The following DLGAP2 variants were observed in gnomAD, a reference collection of about 807,000 sequenced individuals.
DLGAP2 encodes the protein disks large-associated protein 2.
Under a neutral mutation model 100.3 loss-of-function variants are expected in DLGAP2, and 26 were observed. That is an observed-to-expected ratio of 0.26 (90% confidence interval 0.19 to 0.36). DLGAP2 has a LOEUF of 0.36. Ranked by LOEUF, DLGAP2 falls within the 10% of genes least tolerant of loss-of-function variation. DLGAP2 has a pLI of 1.00. For missense variants in DLGAP2, 1,858 were observed against 1,453.2 expected, an observed-to-expected ratio of 1.28 and a Z score of -4.53; for synonymous variants, 886 against 630.1, an observed-to-expected ratio of 1.41 and a Z score of -6.08.
intron 2 of DLGAP2, among the ~76,000 whole-genome samples, chr8:1,042,988 A>C (rs867227190): frequency 1.1e-4 from 1 of 9,418 alleles, no homozygotes; most frequent in Non-Finnish European, 2.2e-4. Context: ...GATGTGGGTG[A>C]TGGATGTGGG....
chr8:1,349,065 G>C (rs1432551165), intron 3 of DLGAP2, among the ~76,000 whole-genome samples: 1 of 151,736 alleles, frequency 6.6e-6, no homozygotes, highest in South Asian at 2.1e-4. Context: ...ACTTGCTCCT[G>C]CCAAGTCACC....
intron 2 of DLGAP2, among the ~76,000 whole-genome samples, chr8:951,466 G>T (rs989859669): frequency 3.3e-5 from 5 of 152,114 alleles, no homozygotes; most frequent in Admixed American, 2.6e-4. Flanking sequence ...GGCCAGGTGG[G>T]TCTTGAACTC....
chr8:1,485,666 C>T (rs1255402339), intron 3 of DLGAP2, among the ~76,000 whole-genome samples: 3 of 152,168 alleles, frequency 2.0e-5, no homozygotes, highest in Non-Finnish European at 2.9e-5. Context: ...TGGTCTGAAG[C>T]GCTGCCCCTA....
intron 3 of DLGAP2, among the ~76,000 whole-genome samples, chr8:1,277,284 GC>G (rs1020295107): frequency 2.0e-5 from 3 of 151,992 alleles, no homozygotes; most frequent in East Asian, 1.9e-4. Flanking sequence ...TGCCTATGTA[GC>G]CCCCCCAGTT....
At chr8:1,207,014 C>A (rs1798010928) in intron 2 of DLGAP2, among the ~76,000 whole-genome samples, 1 of 152,234 alleles carries the variant, frequency 6.6e-6, no homozygotes, top group African/African-American at 2.4e-5. Flanking sequence ...GTCCCCACCA[C>A]ACACAGAGCT....
intron 3 of DLGAP2, among the ~76,000 whole-genome samples, chr8:1,430,457 C>A (rs1340590955): frequency 6.6e-6 from 1 of 152,120 alleles, no homozygotes; most frequent in Non-Finnish European, 1.5e-5. Flanking sequence ...AGGCAAAGGA[C>A]TTTAAGCTGG....
intron 2 of DLGAP2, among the ~76,000 whole-genome samples, chr8:1,053,684 T>C (rs1483498742): frequency 2.0e-5 from 3 of 152,226 alleles, no homozygotes; most frequent in Non-Finnish European, 4.4e-5. Context: ...GGACCCAGTC[T>C]TTCTGCCTGA....
chr8:883,688 G>A (rs1034624144), intron 1 of DLGAP2, among the ~76,000 whole-genome samples: 1 of 152,076 alleles, frequency 6.6e-6, no homozygotes, highest in Non-Finnish European at 1.5e-5. Flanking sequence ...GCGGCGGTTC[G>A]TTACGTAGGT....
intron 6 of DLGAP2, among the ~76,000 whole-genome samples, chr8:1,589,065 A>G (rs941348315): frequency 2.0e-5 from 3 of 152,222 alleles, no homozygotes; most frequent in South Asian, 4.1e-4. Context: ...ACACACAGCA[A>G]TGAAAACTAA....
intron 1 of DLGAP2, among the ~76,000 whole-genome samples, chr8:862,672 C>A (rs1302395045): frequency 6.6e-6 from 1 of 152,100 alleles, no homozygotes; most frequent in Non-Finnish European, 1.5e-5. Context: ...AGTTTTCTCA[C>A]CTGTGAAATC....
intron 3 of DLGAP2, among the ~76,000 whole-genome samples, chr8:1,491,077 C>CAAAAAAAAAAAAA (rs386411871): frequency 1.4e-4 from 9 of 64,522 alleles, no homozygotes; most frequent in African/African-American, 3.9e-4. Flanking sequence ...AACTGGAAAC[C>CAAAAAAAAAAAAA]AAAAAAAAAA....
Position 1,649,090 on chromosome 8 carries a change from C to T in DLGAP2, c.1810+16044C>T, listed in dbSNP as rs138446892. On this transcript the variant is annotated intron_variant, in intron 8 of 14. Transcript: ENST00000637795. ...CGCTTCAAAATTTAACTTTATTCTC[C>T]AGAAAAGTAAAAATTATCCAGGTGT... Among the ~76,000 whole-genome samples, 630 of 152,240 alleles carry T rather than the reference C, an allele frequency of 4.1e-3. 2 individuals carry two copies. The highest frequency in any genetic ancestry group is 0.015 in the African/African-American group (607 of 41,554).
rs368325032 is a variant in DLGAP2, at chr8:1,018,359, C to G, written c.73+110393C>G. Reference sequence around the variant, plus strand: ...ATTGATTTGACCACAGCATGTTTTACTGGGATTCTATTTCGCATTAGGTTG... The same window carrying G: ...ATTGATTTGACCACAGCATGTTTTAGTGGGATTCTATTTCGCATTAGGTTG... On this transcript the variant is annotated intron_variant, in intron 2 of 14. Transcript: ENST00000637795. Among the ~76,000 whole-genome samples the G allele has an allele frequency of 2.4e-4, 37 of 152,310 alleles. 1 individual carries two copies. In the East Asian group the frequency reaches 6.2e-3, roughly 25 times the overall value.
chr8:1,391,144 A>T (rs1796341923), intron 3 of DLGAP2, among the ~76,000 whole-genome samples: 1 of 152,232 alleles, frequency 6.6e-6, no homozygotes, highest in African/African-American at 2.4e-5. Flanking sequence ...GTCTGGGGAT[A>T]ATGAGACCCC....
At chr8:1,304,683 C>T (rs1800449069) in intron 3 of DLGAP2, among the ~76,000 whole-genome samples, 1 of 152,076 alleles carries the variant, frequency 6.6e-6, no homozygotes, top group South Asian at 2.1e-4. Flanking sequence ...GATGAAGTGG[C>T]AGGAGAGAGA....
chr8:1,587,616 T>C (rs757961473), intron 6 of DLGAP2, among the ~76,000 whole-genome samples: 1 of 152,166 alleles, frequency 6.6e-6, no homozygotes. Context: ...TCAGCAATTT[T>C]GACTTTGATT....
At chr8:1,163,891 C>T (rs940606390) in intron 2 of DLGAP2, among the ~76,000 whole-genome samples, 3 of 152,218 alleles carry the variant, frequency 2.0e-5, no homozygotes, top group Non-Finnish European at 2.9e-5. Context: ...GTTGGGCTCC[C>T]TTCAGGAGAG....
intron 1 of DLGAP2, among the ~76,000 whole-genome samples, chr8:758,568 G>A (rs921666932): frequency 6.6e-6 from 1 of 152,068 alleles, no homozygotes; most frequent in Admixed American, 6.6e-5. Flanking sequence ...TTCCTTTTCT[G>A]AAATTTTATT....
intron 3 of DLGAP2, among the ~76,000 whole-genome samples, chr8:1,385,911 C>T (rs993966916): frequency 3.3e-5 from 5 of 152,274 alleles, no homozygotes; most frequent in African/African-American, 1.2e-4. Context: ...TGGACAGTTA[C>T]CCTTCTCCGG....
Sources: allele counts gnomAD v4.1 joint callset (sites outside exome capture counted in the v4.1 genomes callset), GRCh38; gene constraint gnomAD v4.1.1; transcripts MANE v1.5; gene names NCBI Gene and HGNC (gene_info 2026-07-23, HGNC 2026-07-21).